The following ADCY3 variants were observed in gnomAD, a reference collection of about 807,000 sequenced individuals.
ADCY3 encodes adenylate cyclase 3.
Under a neutral mutation model 119.4 loss-of-function variants are expected in ADCY3, and 70 were observed. The observed-to-expected ratio is 0.59, with a 90% CI of 0.48 to 0.72. The LOEUF (loss-of-function observed/expected upper bound fraction) is 0.72, where lower values mean the gene tolerates loss of function less well. Among genes scored for constraint, ADCY3 ranks in the 30% least tolerant of loss-of-function variants. The pLI, the probability that ADCY3 is intolerant of heterozygous loss-of-function variation, is 0.00. For missense variants in ADCY3, 1,238 were observed against 1,541.6 expected (o/e 0.80, Z 3.30); for synonymous variants, 672 against 621.4 (o/e 1.08, Z -1.21).
chr2:24,821,040 AGCC>A, intron 20 of ADCY3, 192 bp from the exon 21 acceptor site: 2 of 737,718 alleles, frequency 2.7e-6, no homozygotes, highest in Non-Finnish European at 4.2e-6. Context: ...GTTAGGTGTC[AGCC>A]GCCACCCCCC....
At chr2:24,828,327 A>G (rs1387043799) in intron 13 of ADCY3, among the ~76,000 whole-genome samples, 166 bp from the exon 14 acceptor site, 3 of 152,232 alleles carry the variant, frequency 2.0e-5, no homozygotes, top group Non-Finnish European at 4.4e-5. Flanking sequence ...TATGAAAGTT[A>G]GTAACTGCAG....
At position 24,834,680 on chromosome 2, in the gene ADCY3, G is replaced by A; in HGVS notation, c.1806-34C>T. On this transcript the variant is annotated intron_variant, in intron 10 of 21. Transcript: ENST00000679454. The surrounding 1 kb of genome is among the most constrained non-coding windows in gnomAD (Gnocchi z 4.2). ...GGAACAAGCCCCATGAATCCCAAATGCCACATCTGCCTTGGCCTAGCAGGG... is the reference window on the plus strand; with the variant it reads ...GGAACAAGCCCCATGAATCCCAAATACCACATCTGCCTTGGCCTAGCAGGG... 1 of 1,608,412 alleles carries A rather than the reference G, an allele frequency of 6.2e-7. No individual in the cohort carries two copies.
At chr2:24,871,084 G>A (rs1049840319) in intron 3 of ADCY3, among the ~76,000 whole-genome samples, 5 of 150,886 alleles carry the variant, frequency 3.3e-5, no homozygotes, top group Admixed American at 1.3e-4. Flanking sequence ...TGAAAACTGC[G>A]CAAATGTTAT....
intron 8 of ADCY3, 82 bp from the exon 9 acceptor site, chr2:24,837,127 G>A: frequency 6.7e-7 from 1 of 1,482,032 alleles, no homozygotes; most frequent in Admixed American, 2.1e-5. Context: ...AAGGGCGTGG[G>A]AGGCGGTGGG....
At chr2:24,888,987 C>T (rs1442429405) in intron 2 of ADCY3, among the ~76,000 whole-genome samples, 2 of 152,154 alleles carry the variant, frequency 1.3e-5, no homozygotes, top group Admixed American at 6.5e-5. Flanking sequence ...CTAGCATGGG[C>T]GACAGAGCGA....
chr2:24,857,514 C>G (rs1673149306), intron 3 of ADCY3, among the ~76,000 whole-genome samples: 1 of 152,220 alleles, frequency 6.6e-6, no homozygotes, highest in Non-Finnish European at 1.5e-5. Flanking sequence ...TGAAATGTGG[C>G]TAGTGCTACT....
At chr2:24,880,610 G>T (rs1292906698) in intron 2 of ADCY3, among the ~76,000 whole-genome samples, 6 of 152,218 alleles carry the variant, frequency 3.9e-5, no homozygotes, top group African/African-American at 1.4e-4. Context: ...GAGAATAAAA[G>T]TGGTAGAAAG....
chr2:24,861,763 G>A (rs1369195518), intron 3 of ADCY3, among the ~76,000 whole-genome samples: 1 of 152,184 alleles, frequency 6.6e-6, no homozygotes, highest in African/African-American at 2.4e-5. Flanking sequence ...GGCTGGAAGA[G>A]AGAAGGGGAA....
intron 3 of ADCY3, among the ~76,000 whole-genome samples, chr2:24,844,159 G>A (rs926954387): frequency 1.3e-5 from 2 of 152,178 alleles, no homozygotes; most frequent in Non-Finnish European, 2.9e-5. Flanking sequence ...TGTGGCTGGA[G>A]GACAGGTGCC....
chr2:24,831,907 A>ACAGGGCC (rs1669581240), intron 11 of ADCY3, among the ~76,000 whole-genome samples, 158 bp from the exon 12 acceptor site: 1 of 88,464 alleles, frequency 1.1e-5, no homozygotes, highest in Non-Finnish European at 2.3e-5. Flanking sequence ...GGGACAGCGG[A>ACAGGGCC]CAGGGGCCAG....
At chr2:24,839,013 G>GCTCA (rs2148551546) in intron 7 of ADCY3, 1 of 734,934 alleles carries the variant, frequency 1.4e-6, no homozygotes, top group East Asian at 5.9e-5. Context: ...CTTGATCTTG[G>GCTCA]CTCAGTGCAA....
At position 24,824,511 on chromosome 2, in the gene ADCY3, A is replaced by G; in HGVS notation, c.2603T>C (p.Phe868Ser). The change falls in exon 17 of 22, where the codon TTC (phenylalanine) becomes TCC (serine). Residue 868 changes from phenylalanine (F) to serine (S), a missense_variant. Coordinates refer to ENST00000679454, the MANE Select transcript of ADCY3 (RefSeq NM_004036.5). ...GTCGTGGACCTCAATCTTCCACAAG[A>G]AAAGTGTCCGTGCCAGTTTTTCTAC... ...RHVEKLARTL[F>S]LWKIEVHDQK... 3 of 1,614,200 alleles carry G rather than the reference A, an allele frequency of 1.9e-6. No homozygotes were observed. Among genetic ancestry groups the G allele is most frequent in the Non-Finnish European group, 2.5e-6 (3 of 1,180,008 alleles).
Position 24,872,770 on chromosome 2 carries a change from C to A in ADCY3, c.676-51G>T. 6.3e-7 allele frequency: 1 copy of A among 1,587,820 alleles called. No individual in the cohort carries two copies. Among genetic ancestry groups the A allele is most frequent in the Non-Finnish European group, 8.6e-7 (1 of 1,162,322 alleles). On this transcript the variant is annotated intron_variant, in intron 2 of 21. Transcript: ENST00000679454. The surrounding 1 kb of genome is among the most constrained non-coding windows in gnomAD (Gnocchi z 4.4). ...AAGGCCAGGGGTGAAGGCACGTCTT[C>A]AGAAAAGGGGATGGAGAAGGGGATG...
At chr2:24,852,707 C>T (rs977379671) in intron 3 of ADCY3, among the ~76,000 whole-genome samples, 8 of 152,276 alleles carry the variant, frequency 5.3e-5, no homozygotes, top group Admixed American at 2.6e-4. Context: ...TGCCTCTCCA[C>T]GGCCAGGAGC....
chr2:24,846,259 C>T (rs1418218526), intron 3 of ADCY3, among the ~76,000 whole-genome samples: 2 of 152,170 alleles, frequency 1.3e-5, no homozygotes, highest in East Asian at 1.9e-4. Context: ...CACCATGCAC[C>T]TGGAAAAGCT....
chr2:24,916,883 G>C (rs1664524872), intron 2 of ADCY3, among the ~76,000 whole-genome samples: 1 of 149,440 alleles, frequency 6.7e-6, no homozygotes, highest in Non-Finnish European at 1.5e-5. Flanking sequence ...GTGCTCCAAG[G>C]AACATACACA....
chr2:24,886,749 C>T (rs1283895458), intron 2 of ADCY3, among the ~76,000 whole-genome samples: 1 of 152,260 alleles, frequency 6.6e-6, no homozygotes, highest in Non-Finnish European at 1.5e-5. Context: ...TGCCCACGGA[C>T]TCACTGCTCT....
intron 3 of ADCY3, among the ~76,000 whole-genome samples, chr2:24,852,639 C>T (rs533718966): frequency 1.0e-4 from 16 of 152,386 alleles, no homozygotes; most frequent in African/African-American, 3.8e-4. Context: ...GATGCCAGGA[C>T]AGCCCCGGAC....
chr2:24,824,407 G>T lies in ADCY3; in HGVS notation c.2707C>A (p.His903Asn). ...TCTCTCTTCTTGGACCCCAGGAAAT[G>T]GCGTGCCACGTGCTCAGGCAACATG... ...TNMLPEHVAR[H>N]FLGSKKRDEE... The change falls in exon 17 of 22, where the codon CAT (histidine) becomes AAT (asparagine). Residue 903 changes from histidine to asparagine, a missense_variant. This residue lies in a region of ADCY3 where 499 missense variants were observed against 571.0 expected (regional missense o/e 0.87). Coordinates refer to ENST00000679454, the MANE Select transcript of ADCY3 (RefSeq NM_004036.5). 6.2e-7 allele frequency: 1 copy of T among 1,614,212 alleles called. No homozygotes were observed. Among genetic ancestry groups the T allele is most frequent in the Non-Finnish European group, 8.5e-7 (1 of 1,180,026 alleles).
Sources: allele counts gnomAD v4.1 joint callset (sites outside exome capture counted in the v4.1 genomes callset), GRCh38; gene constraint gnomAD v4.1.1; regional missense constraint gnomAD v4.1.1; non-coding constraint Gnocchi (gnomAD v3.1); transcripts MANE v1.5; gene names NCBI Gene and HGNC (gene_info 2026-07-23, HGNC 2026-07-21).